PVT1: variants seen among roughly 807,000 people sequenced by gnomAD.
PVT1 encodes the protein Pvt1 oncogene, also known as CXCR4/PVT1 fusion.
At chr8:127,984,465 G>A (rs1816921384) in intron 3 of PVT1, among the ~76,000 whole-genome samples, 1 of 152,144 alleles carries the variant, frequency 6.6e-6, no homozygotes, top group Admixed American at 6.5e-5. Context: ...CCAGGCAACA[G>A]GAATAAGGAC....
intron 2 of PVT1, among the ~76,000 whole-genome samples, chr8:127,800,281 G>A (rs1814448691): frequency 6.6e-6 from 1 of 152,098 alleles, no homozygotes; most frequent in Non-Finnish European, 1.5e-5. Context: ...AGCAGTTGCT[G>A]TATGCCTGGC....
chr8:127,832,659 C>T lies in PVT1; in HGVS notation n.372+36588C>T, dbSNP rs928807269. On this transcript the variant is annotated intron_variant and non_coding_transcript_variant, in intron 2 of 10. Coordinates refer to ENST00000651587, the Ensembl canonical transcript of PVT1. ...GGATCACGAGGTCAGGAGATAGAGA[C>T]CATCCTGGCTAACATGGTGAAACCC... Among the ~76,000 whole-genome samples, 5 of 152,208 alleles carry T rather than the reference C, an allele frequency of 3.3e-5. No individual in the cohort carries two copies. In the East Asian group the frequency reaches 9.7e-4, roughly 29 times the overall value.
intron 3 of PVT1, among the ~76,000 whole-genome samples, chr8:127,904,388 G>C (rs1050277860): frequency 8.0e-5 from 4 of 50,296 alleles, no homozygotes; most frequent in African/African-American, 3.5e-4. Flanking sequence ...ACTGCCCCTG[G>C]CCCTGCTGTG....
At chr8:127,817,235 G>A (rs1365366426) in intron 2 of PVT1, among the ~76,000 whole-genome samples, 1 of 151,652 alleles carries the variant, frequency 6.6e-6, no homozygotes, top group Non-Finnish European at 1.5e-5. Context: ...CGCTGTTCTG[G>A]AATAGGAGAG....
rs185535643 is a variant in PVT1 at position 127,979,083 on chromosome 8, A to G, written n.783-10079A>G. Among the ~76,000 whole-genome samples, 330 of 152,380 alleles carry G rather than the reference A, an allele frequency of 2.2e-3. 1 individual carries two copies. Among genetic ancestry groups the G allele is most frequent in the African/African-American group, 7.6e-3 (317 of 41,584 alleles). ...ACAATTTAACCTGTACCAAATAATCATCTTTCATTTATTGTCTAACAATAA... is the reference window on the plus strand; with the variant it reads ...ACAATTTAACCTGTACCAAATAATCGTCTTTCATTTATTGTCTAACAATAA... On this transcript the variant is annotated intron_variant and non_coding_transcript_variant, in intron 3 of 10. Transcript: ENST00000651587.
intron 2 of PVT1, among the ~76,000 whole-genome samples, chr8:127,820,951 C>G (rs192445151): frequency 1.6e-3 from 247 of 152,156 alleles, no homozygotes; most frequent in South Asian, 3.5e-3. Context: ...TCAAGTGATC[C>G]GCCCGCCTTG....
intron 4 of PVT1, among the ~76,000 whole-genome samples, chr8:128,056,353 G>A (rs928304614): frequency 2.0e-5 from 3 of 152,144 alleles, no homozygotes; most frequent in Non-Finnish European, 4.4e-5. Context: ...GAATGTGCAG[G>A]TATGTATACT....
chr8:128,075,204 T>C (rs1814069668), intron 5 of PVT1, among the ~76,000 whole-genome samples: 1 of 152,188 alleles, frequency 6.6e-6, no homozygotes, highest in African/African-American at 2.4e-5. Flanking sequence ...GGATTTCCCG[T>C]GAAACATGGA....
At chr8:127,940,905 G>A (rs1190418390) in intron 3 of PVT1, among the ~76,000 whole-genome samples, 13 of 152,164 alleles carry the variant, frequency 8.5e-5, no homozygotes, top group East Asian at 3.9e-4. Context: ...TCCGGCTCAC[G>A]TCCAGTTATC....
At chr8:128,025,123 G>A (rs1586486497) in intron 4 of PVT1, among the ~76,000 whole-genome samples, 1 of 152,254 alleles carries the variant, frequency 6.6e-6, no homozygotes. Context: ...AGCGGTGCCA[G>A]GGAGCTGTTT....
intron 3 of PVT1, among the ~76,000 whole-genome samples, chr8:127,948,994 A>G (rs958520092): frequency 3.3e-5 from 5 of 152,202 alleles, no homozygotes; most frequent in Non-Finnish European, 5.9e-5. Flanking sequence ...GCCGACTTTC[A>G]TCGGAGGCTC....
At chr8:127,887,484 G>C (rs192559216) in intron 2 of PVT1, among the ~76,000 whole-genome samples, 1 of 152,272 alleles carries the variant, frequency 6.6e-6, no homozygotes, top group East Asian at 1.9e-4. Context: ...ACCATTGCCA[G>C]AACCTTCTTG....
rs1816975092 is a variant in PVT1, at chr8:127,986,789, T to C, written n.783-2373T>C. Among the ~76,000 whole-genome samples the C allele has an allele frequency of 5.9e-5, 9 of 152,330 alleles. No individual in the cohort carries two copies. In the South Asian group the frequency reaches 1.9e-3, roughly 32 times the overall value. On this transcript the variant is annotated intron_variant and non_coding_transcript_variant, in intron 3 of 10. Coordinates refer to ENST00000651587, the Ensembl canonical transcript of PVT1. ...CAGCTCCTGGGAGAAGCTTAGAAAT[T>C]TTAATTTCCTTAATTTCCATGGAAC... is the stretch of plus-strand genomic sequence containing the variant.
intron 4 of PVT1, among the ~76,000 whole-genome samples, chr8:128,065,466 G>A (rs117426426): frequency 0.023 from 3,428 of 152,272 alleles, 165 homozygotes; most frequent in Admixed American, 0.12. Flanking sequence ...GGTTGCAGGT[G>A]TGAGCCACCA....
intron 3 of PVT1, among the ~76,000 whole-genome samples, chr8:127,937,727 C>G (rs943799367): frequency 6.6e-6 from 1 of 152,110 alleles, no homozygotes; most frequent in African/African-American, 2.4e-5. Context: ...ATGCTTTCTT[C>G]CTTCTGAAGG....
At chr8:127,801,566 G>T (rs534841011) in intron 2 of PVT1, among the ~76,000 whole-genome samples, 1 of 152,170 alleles carries the variant, frequency 6.6e-6, no homozygotes, top group African/African-American at 2.4e-5. Context: ...AAAAAGGAAA[G>T]TAATTTGATC....
At chr8:128,058,088 T>C (rs6985998) in intron 4 of PVT1, among the ~76,000 whole-genome samples, 1 of 152,094 alleles carries the variant, frequency 6.6e-6, no homozygotes. Context: ...ATGAATGGAG[T>C]TGGTTACCTG....
chr8:127,855,431 T>G, intron 2 of PVT1: 1 of 375,078 alleles, frequency 2.7e-6, no homozygotes, highest in Non-Finnish European at 4.7e-6. Flanking sequence ...CTTCTGGCCT[T>G]AGAGAAACCC....
Position 127,856,425 on chromosome 8 carries a change from T to C in PVT1, n.373-34164T>C, listed in dbSNP as rs2129742981. On this transcript the variant is annotated intron_variant and non_coding_transcript_variant, in intron 2 of 10. Coordinates refer to ENST00000651587, the Ensembl canonical transcript of PVT1. ...GGCATGAACTTGGCTCACTGTAACCTCCGCCTCCCAGGTTCAAGTGATTCT... is the reference window on the plus strand; with the variant it reads ...GGCATGAACTTGGCTCACTGTAACCCCCGCCTCCCAGGTTCAAGTGATTCT... 1.3e-5 allele frequency among the ~76,000 whole-genome samples: 2 copies of C among 151,770 alleles called. 1 individual carries two copies. The highest frequency in any genetic ancestry group is 4.8e-5 in the African/African-American group (2 of 41,400).
Sources: gnomAD v4.1 joint callset for allele counts (sites outside exome capture counted in the v4.1 genomes callset) on GRCh38, gnomAD v4.1.1 for gene constraint, MANE v1.5 for transcripts, NCBI Gene and HGNC (gene_info 2026-07-23, HGNC 2026-07-21) for gene names.